Variants in GAS6 observed in about 807,000 individuals in gnomAD.
GAS6 encodes the protein growth arrest specific 6, also known as growth arrest-specific protein 6.
In GAS6, 41 loss-of-function variants were observed where a neutral mutation model predicts 75.8. That is an observed-to-expected ratio of 0.54 (90% CI 0.42 to 0.70). The LOEUF (loss-of-function observed/expected upper bound fraction) is 0.70, where lower values mean the gene tolerates loss of function less well. GAS6 is among the 30% of genes least tolerant of loss of function. GAS6 has a pLI of 0.00. For synonymous variants in GAS6, 432 were observed against 412.6 expected (o/e 1.05, Z -0.57); for missense variants, 854 against 940.2 (o/e 0.91, Z 1.20).
At chr13:113,826,918 G>A (rs373467281) in intron 12 of GAS6, 78 bp downstream of exon 12, 1 of 999,748 alleles carries the variant, frequency 1.0e-6, no homozygotes, top group African/African-American at 1.9e-5. Flanking sequence ...TGCCATCTGA[G>A]GCCGTCTGCT....
chr13:113,833,522 G>A, intron 8 of GAS6: 1 of 995,038 alleles, frequency 1.0e-6, no homozygotes, highest in Non-Finnish European at 1.2e-6. Context: ...GGAAAGACAA[G>A]AGCCGCCCTG....
At chr13:113,825,082 G>C (rs1252051152) in intron 12 of GAS6, among the ~76,000 whole-genome samples, 1 of 152,018 alleles carries the variant, frequency 6.6e-6, no homozygotes, top group African/African-American at 2.4e-5. Flanking sequence ...GCTGGGTGTG[G>C]TGGTGCATGC....
intron 11 of GAS6, among the ~76,000 whole-genome samples, chr13:113,828,062 T>G (rs1033613501): frequency 6.6e-6 from 1 of 151,950 alleles, no homozygotes; most frequent in Non-Finnish European, 1.5e-5. Flanking sequence ...GTTCACGAGG[T>G]CAGAAGATCG....
intron 11 of GAS6, 24 bp from the exon 12 acceptor site, chr13:113,827,188 T>A (rs374219700): frequency 1.2e-6 from 2 of 1,606,294 alleles, no homozygotes; most frequent in African/African-American, 2.7e-5. Flanking sequence ...GAAATCTCCG[T>A]GGCTTCCTGG....
chr13:113,840,208 G>A (rs565925084), intron 4 of GAS6: 3 of 255,646 alleles, frequency 1.2e-5, no homozygotes, highest in African/African-American at 6.9e-5. Flanking sequence ...GCTGACCTGG[G>A]GGCTTCCAGG....
chr13:113,854,395 G>A (rs757414090), intron 2 of GAS6, among the ~76,000 whole-genome samples: 18 of 152,254 alleles, frequency 1.2e-4, no homozygotes, highest in African/African-American at 3.6e-4. Context: ...GCTGCACGGC[G>A]GTAACGCCGA....
At position 113,835,798 on chromosome 13, in the gene GAS6, G is replaced by A. The variant is rs766882156; in HGVS notation, c.590-163C>T. The A allele has an allele frequency of 1.6e-5, 23 of 1,442,310 alleles. 1 individual carries two copies. The highest frequency in any genetic ancestry group is 1.7e-5 in the Non-Finnish European group (19 of 1,102,806). The allele number at this position is 1,442,310 out of a possible 1,614,324, so 89.3% of individuals were successfully genotyped here. ...ATTTCCCTGCCCTCCTCCCCTGACC[G>A]GGCAGCTCCCGGGGTGTTGGTGCAC... On this transcript the variant is annotated intron_variant, in intron 6 of 14. Coordinates refer to ENST00000327773, the MANE Select transcript of GAS6 (RefSeq NM_000820.4).
intron 4 of GAS6, chr13:113,843,904 G>A (rs1293798627): frequency 6.6e-6 from 1 of 151,270 alleles, no homozygotes; most frequent in Non-Finnish European, 1.5e-5. Context: ...GGGAACCAAT[G>A]AACAGGAACA....
chr13:113,842,451 G>A (rs994490437), intron 4 of GAS6: 1 of 395,500 alleles, frequency 2.5e-6, no homozygotes, highest in Admixed American at 4.4e-5. Flanking sequence ...CAGCCGCCAG[G>A]AGCCGGCCGG....
chr13:113,851,178 A>G (rs2138659425), intron 2 of GAS6, among the ~76,000 whole-genome samples: 1 of 151,870 alleles, frequency 6.6e-6, no homozygotes, highest in Middle Eastern at 3.4e-3. Flanking sequence ...CGGATGACTG[A>G]GTGGGTAAAT....
chr13:113,837,952 T>C lies in GAS6; in HGVS notation c.589+117A>G. On this transcript the variant is annotated intron_variant, in intron 6 of 14. Coordinates refer to ENST00000327773, the MANE Select transcript of GAS6 (RefSeq NM_000820.4). The surrounding 1 kb of genome is among the most constrained non-coding windows in gnomAD (Gnocchi z 5.1). ...TGTGTAGTCTCTGCAGGATGCCCCA[T>C]CCCATCCAGAACCACAGGAACCCAG... 1 of 1,258,918 alleles carries C rather than the reference T, an allele frequency of 7.9e-7. No individual in the cohort carries two copies. The highest frequency in any genetic ancestry group is 1.3e-5 in the South Asian group (1 of 74,414). The allele number at this position is 1,258,918 out of a possible 1,614,324, so 78.0% of individuals were successfully genotyped here.
chr13:113,832,190 A>C, intron 10 of GAS6, 109 bp downstream of exon 10: 2 of 1,251,034 alleles, frequency 1.6e-6, no homozygotes, highest in Admixed American at 2.2e-5. Flanking sequence ...CACGCAGCAG[A>C]TGCAGGCCCC....
rs2051732691 is a variant in GAS6 at position 113,837,809 on chromosome 13, C to G, written c.589+260G>C. Among the ~76,000 whole-genome samples the G allele has an allele frequency of 6.6e-6, 1 of 152,158 alleles. No individual in the cohort carries two copies. The highest frequency in any genetic ancestry group is 2.1e-4 in the South Asian group (1 of 4,836). The stretch of plus-strand genomic sequence containing the variant: ...GCTCTGGGGAATGGACGAGGCCCTA[C>G]AGCCAGCAGTGTGGCCTCATGGGCT... On this transcript the variant is annotated intron_variant, in intron 6 of 14. Coordinates refer to ENST00000327773, the MANE Select transcript of GAS6 (RefSeq NM_000820.4). This position sits in a 1 kb window ranked among gnomAD's most constrained non-coding sequence, Gnocchi z 5.1.
At chr13:113,824,066 C>T (rs972295456) in intron 12 of GAS6, among the ~76,000 whole-genome samples, 2,627 of 114,766 alleles carry the variant, frequency 0.023, 51 homozygotes, top group African/African-American at 0.1. Context: ...CAGGAGCACG[C>T]GCGGTCTGGG....
intron 2 of GAS6, among the ~76,000 whole-genome samples, chr13:113,860,821 A>C (rs756811812): frequency 5.3e-5 from 8 of 152,132 alleles, no homozygotes; most frequent in Admixed American, 1.3e-4. Flanking sequence ...ACAGGGCTTG[A>C]AACCACAGGT....
chr13:113,839,818 C>T lies in GAS6; in HGVS notation c.376G>A (p.Asp126Asn), dbSNP rs778763528. ...LPDQCTPNPC[D>N]RKGTQACQDL... ...TGGCAGGCTTGGGTCCCCTTCCTAT[C>T]GCAGGGGTTGGGCGTGCACTGGTCA... The change falls in exon 5 of 15, where the codon GAT becomes AAT. Residue 126 changes from aspartate to asparagine, a missense_variant. By Grantham distance (23) the Asp-to-Asn change is conservative. Transcript: ENST00000327773. The T allele has an allele frequency of 8.7e-6, 14 of 1,613,850 alleles. No individual in the cohort carries two copies. Among genetic ancestry groups the T allele is most frequent in the East Asian group, 4.5e-5 (2 of 44,890 alleles).
rs922915446 is a variant in GAS6 at position 113,843,219 on chromosome 13, G to C, written c.343+3308C>G. On this transcript the variant is annotated intron_variant, in intron 4 of 14. Coordinates refer to ENST00000327773, the MANE Select transcript of GAS6 (RefSeq NM_000820.4). Reference sequence around the variant, plus strand: ...ATCCCCATCCCGCAAGCTGGGCCTAGGGTATCGGTGGCCTGGCTGGTCATG... The same window carrying C: ...ATCCCCATCCCGCAAGCTGGGCCTACGGTATCGGTGGCCTGGCTGGTCATG... The C allele has an allele frequency of 2.5e-5, 5 of 202,756 alleles. 1 individual carries two copies. The highest frequency in any genetic ancestry group is 1.2e-4 in the African/African-American group (5 of 42,092). The allele number at this position is 202,756 out of a possible 1,614,324, so 12.6% of individuals were successfully genotyped here. A position where few individuals can be genotyped will look rare whatever the true frequency, so the allele number is the denominator to read the frequency against.
At chr13:113,843,046 G>A (rs1566368340) in intron 4 of GAS6, 2 of 392,208 alleles carry the variant, frequency 5.1e-6, no homozygotes, top group Non-Finnish European at 8.9e-6. Context: ...ACACCTGAGG[G>A]GTGGACAGTC....
chr13:113,856,785 C>T (rs748328625), intron 2 of GAS6, among the ~76,000 whole-genome samples: 1 of 152,248 alleles, frequency 6.6e-6, no homozygotes, highest in Non-Finnish European at 1.5e-5. Flanking sequence ...CTCCCGCGTC[C>T]GGGCTGCCCT....
Sources: gnomAD v4.1 joint callset for allele counts (sites outside exome capture counted in the v4.1 genomes callset) on GRCh38, gnomAD v4.1.1 for gene constraint, Gnocchi (gnomAD v3.1) non-coding constraint, MANE v1.5 for transcripts, NCBI Gene and HGNC (gene_info 2026-07-23, HGNC 2026-07-21) for gene names.